Variants in SNCAIP observed in about 807,000 individuals in gnomAD.
The protein encoded by SNCAIP is synuclein alpha interacting protein.
Under a neutral mutation model 86.7 loss-of-function variants are expected in SNCAIP, and 43 were observed. That is an observed-to-expected ratio of 0.50 (90% CI 0.39 to 0.64). The LOEUF is 0.64. Among genes scored for constraint, SNCAIP ranks in the 30% least tolerant of loss-of-function variants. SNCAIP has a pLI of 0.00. For missense variants in SNCAIP, 981 were observed against 1,103.1 expected, an observed-to-expected ratio of 0.89 and a Z score of 1.57; for synonymous variants, 417 against 427.2, an observed-to-expected ratio of 0.98 and a Z score of 0.29.
intron 1 of SNCAIP, among the ~76,000 whole-genome samples, chr5:122,338,166 G>A (rs1031333924): frequency 2.0e-5 from 3 of 152,090 alleles, no homozygotes; most frequent in Admixed American, 6.5e-5. Flanking sequence ...TTTCACCAAC[G>A]GTTAAATAGA....
chr5:122,404,326 A>G (rs144593233), intron 3 of SNCAIP, among the ~76,000 whole-genome samples: 1,623 of 152,336 alleles, frequency 0.011, 23 homozygotes, highest in African/African-American at 0.038. Context: ...AATAAGGCAT[A>G]CTGTAACAGT....
chr5:122,438,478 T>G (rs1245252435), intron 6 of SNCAIP, among the ~76,000 whole-genome samples: 2 of 152,216 alleles, frequency 1.3e-5, no homozygotes, highest in Non-Finnish European at 2.9e-5. Context: ...CTGACTGGAA[T>G]GATCAGATAA....
chr5:122,401,518 T>C (rs1771810568), intron 2 of SNCAIP, among the ~76,000 whole-genome samples: 1 of 152,238 alleles, frequency 6.6e-6, no homozygotes, highest in Admixed American at 6.5e-5. Context: ...GATGTTCATA[T>C]ACCCTTAAAA....
chr5:122,332,783 A>C (rs1191591137), intron 1 of SNCAIP, among the ~76,000 whole-genome samples: 2 of 152,218 alleles, frequency 1.3e-5, no homozygotes, highest in African/African-American at 4.8e-5. Flanking sequence ...GAGAGCAGGC[A>C]GCAGTTGTGC....
chr5:122,326,391 C>T (rs1465977096), intron 1 of SNCAIP, among the ~76,000 whole-genome samples: 1 of 152,136 alleles, frequency 6.6e-6, no homozygotes, highest in East Asian at 1.9e-4. Context: ...CACTCATTAA[C>T]CTGTTTTTCA....
At chr5:122,347,932 C>G (rs1037834328) in intron 1 of SNCAIP, among the ~76,000 whole-genome samples, 5 of 151,862 alleles carry the variant, frequency 3.3e-5, no homozygotes, top group Admixed American at 3.3e-4. Flanking sequence ...TTTTTATTTC[C>G]CATTTTTTTG....
chr5:122,359,355 T>G (rs996972335), intron 1 of SNCAIP, among the ~76,000 whole-genome samples: 7 of 148,682 alleles, frequency 4.7e-5, no homozygotes, highest in African/African-American at 1.7e-4. Flanking sequence ...TTATTTTTAT[T>G]TATTTATTTA....
intron 1 of SNCAIP, among the ~76,000 whole-genome samples, chr5:122,365,379 TTATAGAAA>T (rs1369129479): frequency 6.6e-6 from 1 of 152,174 alleles, no homozygotes; most frequent in East Asian, 1.9e-4. Context: ...ACTTGGCTTC[TTATAGAAA>T]GATCCCTCTG....
intron 5 of SNCAIP, among the ~76,000 whole-genome samples, chr5:122,426,568 A>C (rs1777409124): frequency 6.6e-6 from 1 of 152,218 alleles, no homozygotes; most frequent in South Asian, 2.1e-4. Context: ...TCGGTTAAGC[A>C]AGGTAATTAA....
At chr5:122,397,067 G>A (rs142206041) in intron 2 of SNCAIP, among the ~76,000 whole-genome samples, 33 of 152,046 alleles carry the variant, frequency 2.2e-4, no homozygotes, top group African/African-American at 1.2e-4. Flanking sequence ...TAATCTTCCC[G>A]GACACACCTT....
chr5:122,328,160 A>T (rs541569258), intron 1 of SNCAIP, among the ~76,000 whole-genome samples: 2 of 152,354 alleles, frequency 1.3e-5, no homozygotes, highest in African/African-American at 4.8e-5. Flanking sequence ...TTGCAGTAAG[A>T]GAAAGCTTAT....
intron 7 of SNCAIP, chr5:122,443,690 G>A (rs532404520): frequency 1.5e-4 from 68 of 455,894 alleles, no homozygotes; most frequent in African/African-American, 1.1e-3. Flanking sequence ...AAGGAGGTAT[G>A]AAGAGAAAAA....
At chr5:122,359,349 T>TTATTTTTATTTATTTA (rs1554085982) in intron 1 of SNCAIP, among the ~76,000 whole-genome samples, 3 of 142,182 alleles carry the variant, frequency 2.1e-5, no homozygotes, top group Admixed American at 1.4e-4. Flanking sequence ...AGATTTTTAT[T>TTATTTTTATTTATTTA]TTTATTTATT....
chr5:122,421,366 A>G (rs304385), intron 3 of SNCAIP, among the ~76,000 whole-genome samples: 46,732 of 152,102 alleles, frequency 0.31, 7,537 homozygotes, highest in Non-Finnish European at 0.35. Context: ...ACTCACTCTC[A>G]TCCCGTTAGC....
At chr5:122,424,266 C>T (rs1316083329) in intron 4 of SNCAIP, among the ~76,000 whole-genome samples, 2 of 152,220 alleles carry the variant, frequency 1.3e-5, no homozygotes, top group East Asian at 1.9e-4. Flanking sequence ...TTACTTACTT[C>T]CAGCTCTGCA....
intron 1 of SNCAIP, among the ~76,000 whole-genome samples, chr5:122,320,242 G>A (rs943864983): frequency 1.3e-5 from 2 of 152,160 alleles, no homozygotes; most frequent in African/African-American, 4.8e-5. Context: ...TCATCTCTAG[G>A]TAAGTTTCTA....
At chr5:122,431,063 G>A (rs936168674) in intron 5 of SNCAIP, among the ~76,000 whole-genome samples, 1 of 152,028 alleles carries the variant, frequency 6.6e-6, no homozygotes, top group Non-Finnish European at 1.5e-5. Flanking sequence ...AAACAGTTGT[G>A]CATCTTATGA....
At chr5:122,326,338 C>T (rs1021498268) in intron 1 of SNCAIP, among the ~76,000 whole-genome samples, 1 of 152,148 alleles carries the variant, frequency 6.6e-6, no homozygotes, top group Non-Finnish European at 1.5e-5. Context: ...TAAAGTAGGT[C>T]ACTCTGTGAT....
intron 1 of SNCAIP, among the ~76,000 whole-genome samples, chr5:122,347,838 A>C (rs775792897): frequency 4.4e-4 from 67 of 152,106 alleles, no homozygotes; most frequent in Non-Finnish European, 1.3e-4. Context: ...AAAGAAGGCA[A>C]AGTTGAATTT....
Sources: allele counts gnomAD v4.1 joint callset (sites outside exome capture counted in the v4.1 genomes callset), GRCh38; gene constraint gnomAD v4.1.1; transcripts MANE v1.5; gene names NCBI Gene and HGNC (gene_info 2026-07-23, HGNC 2026-07-21).